TMEM178B: variants seen among roughly 807,000 people sequenced by gnomAD.
TMEM178B encodes transmembrane protein 178B.
TMEM178B carries 5 observed loss-of-function variants against 31.0 expected under a neutral mutation model. The ratio of observed to expected loss-of-function variants is 0.16; its 90% CI spans 0.08 to 0.34. TMEM178B has a LOEUF of 0.34. Ranked by LOEUF, TMEM178B falls within the 10% of genes least tolerant of loss-of-function variation. The pLI is 1.00. For missense variants in TMEM178B, 275 were observed against 400.3 expected (o/e 0.69, Z 2.67); for synonymous variants, 164 against 164.0 (o/e 1.00, Z 0.00).
At chr7:141,400,272 G>A (rs1800736802) in intron 2 of TMEM178B, among the ~76,000 whole-genome samples, 1 of 152,188 alleles carries the variant, frequency 6.6e-6, no homozygotes, top group Admixed American at 6.5e-5. Context: ...ATGTCCAAAT[G>A]ACCTAAGACG....
rs1732759390 is a variant in TMEM178B, at chr7:141,480,193, A to G, written c.*9407A>G. ...AGAGAGCATTTGGGGACTTCACTGA[A>G]ACTGACTGCATCTTGCAATTTTCTT... is the stretch of plus-strand genomic sequence containing the variant. On this transcript the variant is annotated 3_prime_UTR_variant, in exon 4 of 4. Transcript: ENST00000565468. 1 of 152,232 alleles carries G rather than the reference A, an allele frequency of 6.6e-6. No individual in the cohort carries two copies. Among genetic ancestry groups the G allele is most frequent in the African/African-American group, 2.4e-5 (1 of 41,470 alleles). 9.4% of individuals were successfully genotyped at this position (152,232 alleles called of 1,614,324 possible).
intron 1 of TMEM178B, among the ~76,000 whole-genome samples, chr7:141,108,471 G>A (rs146358262): frequency 1.3e-5 from 2 of 152,292 alleles, no homozygotes; most frequent in African/African-American, 4.8e-5. Flanking sequence ...TTAGACTCGT[G>A]CTGTTAGGTA....
rs112882033 is a variant in TMEM178B at position 141,432,446 on chromosome 7, C to T, written c.497-5162C>T. ...CTGGGATTACAGGCGTGAGCCACCA[C>T]GCCCAGCCCTGCATCACTATTTTTA... On this transcript the variant is annotated intron_variant, in intron 2 of 3. Coordinates refer to ENST00000565468, the MANE Select transcript of TMEM178B (RefSeq NM_001195278.2). Among the ~76,000 whole-genome samples the T allele has an allele frequency of 4.7e-4, 72 of 152,288 alleles. 1 individual carries two copies. Among genetic ancestry groups the T allele is most frequent in the African/African-American group, 1.6e-3 (66 of 41,560 alleles).
intron 2 of TMEM178B, among the ~76,000 whole-genome samples, chr7:141,272,955 A>T (rs1387773916): frequency 6.6e-6 from 1 of 152,226 alleles, no homozygotes; most frequent in Non-Finnish European, 1.5e-5. Context: ...ACTAGCCGAG[A>T]TATGGAATCA....
intron 1 of TMEM178B, among the ~76,000 whole-genome samples, chr7:141,082,611 A>C (rs976403414): frequency 1.3e-5 from 2 of 152,262 alleles, no homozygotes; most frequent in Non-Finnish European, 2.9e-5. Context: ...CAGTGATTCA[A>C]GAAGAAAACC....
intron 2 of TMEM178B, chr7:141,297,089 C>G (rs1309812471): frequency 3.9e-5 from 6 of 152,194 alleles, no homozygotes; most frequent in Non-Finnish European, 8.8e-5. Context: ...ATTATTATAA[C>G]AGCAGTAACG....
intron 2 of TMEM178B, among the ~76,000 whole-genome samples, chr7:141,313,447 G>A (rs1322409543): frequency 6.6e-6 from 1 of 152,114 alleles, no homozygotes; most frequent in Non-Finnish European, 1.5e-5. Flanking sequence ...ATAAAACCTA[G>A]TCCTGCTAGG....
intron 3 of TMEM178B, among the ~76,000 whole-genome samples, chr7:141,467,393 C>T (rs1802164280): frequency 6.6e-6 from 1 of 152,202 alleles, no homozygotes; most frequent in Admixed American, 6.5e-5. Context: ...CAAATGCATA[C>T]ATGTGTGACA....
At chr7:141,263,645 G>A (rs921175153) in intron 2 of TMEM178B, among the ~76,000 whole-genome samples, 1 of 152,134 alleles carries the variant, frequency 6.6e-6, no homozygotes, top group Non-Finnish European at 1.5e-5. Context: ...TTATGATGAC[G>A]ACAGGGGATG....
intron 2 of TMEM178B, among the ~76,000 whole-genome samples, chr7:141,341,617 G>A (rs71545312): frequency 6.6e-6 from 1 of 152,184 alleles, no homozygotes; most frequent in African/African-American, 2.4e-5. Context: ...CTGCAGACAG[G>A]CAGTGGCTGG....
intron 1 of TMEM178B, among the ~76,000 whole-genome samples, chr7:141,130,942 T>G (rs999670920): frequency 6.6e-6 from 1 of 152,182 alleles, no homozygotes; most frequent in African/African-American, 2.4e-5. Context: ...TAATTAACTT[T>G]TTTGTTTATT....
At chr7:141,097,118 T>A (rs1794973047) in intron 1 of TMEM178B, among the ~76,000 whole-genome samples, 1 of 151,864 alleles carries the variant, frequency 6.6e-6, no homozygotes, top group East Asian at 1.9e-4. Context: ...TTAGCGAAGT[T>A]ACAGAGATTT....
chr7:141,085,705 C>T (rs1483883630), intron 1 of TMEM178B, among the ~76,000 whole-genome samples: 1 of 151,930 alleles, frequency 6.6e-6, no homozygotes, highest in Non-Finnish European at 1.5e-5. Flanking sequence ...GCTCCATTTC[C>T]CCAAGGGCCT....
At chr7:141,504,290 G>A in the TMEM178B span, among the ~76,000 whole-genome samples, 1 of 152,198 alleles carries the variant, frequency 6.6e-6, no homozygotes, top group African/African-American at 2.4e-5. Context: ...TCCCGTGTGT[G>A]TGATCTGTAC....
At chr7:141,209,725 G>A (rs1434675912) in intron 1 of TMEM178B, among the ~76,000 whole-genome samples, 1 of 152,152 alleles carries the variant, frequency 6.6e-6, no homozygotes, top group African/African-American at 2.4e-5. Flanking sequence ...GCCTGCTGCT[G>A]GGGTGCAATC....
downstream of TMEM178B, among the ~76,000 whole-genome samples, chr7:141,482,414 G>C (rs1316305343): frequency 2.6e-5 from 4 of 152,174 alleles, no homozygotes; most frequent in African/African-American, 9.7e-5. Flanking sequence ...CTTTCCTTGG[G>C]ATCCTCGCAG....
chr7:141,492,231 A>G, the TMEM178B span, among the ~76,000 whole-genome samples: 10 of 151,586 alleles, frequency 6.6e-5, no homozygotes, highest in Non-Finnish European at 1.5e-4. Flanking sequence ...CAGTCTCCCC[A>G]TTTTTCCCTC....
chr7:141,121,493 T>A (rs1795406459), intron 1 of TMEM178B, among the ~76,000 whole-genome samples: 1 of 152,224 alleles, frequency 6.6e-6, no homozygotes, highest in South Asian at 2.1e-4. Flanking sequence ...CACTCCTGAT[T>A]AGATCACCTC....
chr7:141,377,222 C>A (rs1050986983), intron 2 of TMEM178B, among the ~76,000 whole-genome samples: 2 of 150,696 alleles, frequency 1.3e-5, no homozygotes, highest in Non-Finnish European at 3.0e-5. Flanking sequence ...TCGCTCTTGT[C>A]ACCCAGGCTG....
Sources: allele counts gnomAD v4.1 joint callset (sites outside exome capture counted in the v4.1 genomes callset), GRCh38; gene constraint gnomAD v4.1.1; transcripts MANE v1.5; gene names NCBI Gene and HGNC (gene_info 2026-07-23, HGNC 2026-07-21).